Variants in SQLE observed in about 807,000 individuals in gnomAD.
SQLE encodes the protein squalene monooxygenase.
In SQLE, 29 loss-of-function variants were observed where a neutral mutation model predicts 60.7. The ratio of observed to expected loss-of-function variants is 0.48; its 90% CI spans 0.36 to 0.65. SQLE has a LOEUF of 0.65. SQLE is among the 30% of genes least tolerant of loss of function. The pLI is 0.00. For missense variants in SQLE, 605 were observed against 684.1 expected, an observed-to-expected ratio of 0.88 and a Z score of 1.29; for synonymous variants, 237 against 246.8, an observed-to-expected ratio of 0.96 and a Z score of 0.37.
rs1814812058 is a variant in SQLE at position 124,999,760 on chromosome 8, A to G, written c.291+66A>G. The G allele has an allele frequency of 4.7e-6, 7 of 1,490,964 alleles. No individual in the cohort carries two copies. The South Asian group carries it at 7.0e-5, about 15-fold the overall frequency. The allele number at this position is 1,490,964 out of a possible 1,614,324, so 92.4% of individuals were successfully genotyped here. ...GGAGTAGGATTGGGTTCACTCAAATATAAGTTTTATTTGAATTGCAAAAGG... is the reference window on the plus strand; with the variant it reads ...GGAGTAGGATTGGGTTCACTCAAATGTAAGTTTTATTTGAATTGCAAAAGG... On this transcript the variant is annotated intron_variant, in intron 1 of 10. Coordinates refer to ENST00000265896, the MANE Select transcript of SQLE (RefSeq NM_003129.4).
chr8:125,011,414 A>G lies in SQLE; in HGVS notation c.1109-123A>G, dbSNP rs1054911873. On this transcript the variant is annotated intron_variant, in intron 6 of 10. Coordinates refer to ENST00000265896, the MANE Select transcript of SQLE (RefSeq NM_003129.4). ...ATTAGTTCTTGATTTATCACAAGGG[A>G]TATATGTAACAACCATAACAGATGT... 5.5e-5 allele frequency: 37 copies of G among 669,004 alleles called. No homozygotes were observed. The Admixed American group carries it at 8.6e-4, about 16-fold the overall frequency. The allele number at this position is 669,004 out of a possible 1,614,324, so 41.4% of individuals were successfully genotyped here. A position where few individuals can be genotyped will look rare whatever the true frequency, so the allele number is the denominator to read the frequency against.
At chr8:125,017,695 C>G (rs1312588911) in intron 7 of SQLE, among the ~76,000 whole-genome samples, 1 of 152,132 alleles carries the variant, frequency 6.6e-6, no homozygotes, top group Non-Finnish European at 1.5e-5. Flanking sequence ...CGCCAGAGGA[C>G]TTGCTTTGTA....
Position 124,999,112 on chromosome 8 carries a change from T to C in SQLE, c.-292T>C. 2.9e-6 allele frequency: 1 copy of C among 348,114 alleles called. No individual in the cohort carries two copies. The highest frequency in any genetic ancestry group is 5.1e-6 in the Non-Finnish European group (1 of 195,362). 21.6% of individuals were successfully genotyped at this position (348,114 alleles called of 1,614,324 possible). A position where few individuals can be genotyped will look rare whatever the true frequency, so the allele number is the denominator to read the frequency against. Reference sequence around the variant, plus strand: ...ACCATCAAAAAAGAAAAAAAGGGAATATCTGGATTTCCTGGGCGAGGAGGA... The same window carrying C: ...ACCATCAAAAAAGAAAAAAAGGGAACATCTGGATTTCCTGGGCGAGGAGGA... On this transcript the variant is annotated 5_prime_UTR_variant, in exon 1 of 11. Coordinates refer to ENST00000265896, the MANE Select transcript of SQLE (RefSeq NM_003129.4).
Position 125,016,934 on chromosome 8 carries a change from G to T in SQLE, c.1205-1125G>T, listed in dbSNP as rs1467342704. 6.6e-6 allele frequency among the ~76,000 whole-genome samples: 1 copy of T among 152,176 alleles called. No homozygotes were observed. Among genetic ancestry groups the T allele is most frequent in the Non-Finnish European group, 1.5e-5 (1 of 68,032 alleles). On this transcript the variant is annotated intron_variant, in intron 7 of 10. Coordinates refer to ENST00000265896, the MANE Select transcript of SQLE (RefSeq NM_003129.4). This position sits in a 1 kb window ranked among gnomAD's most constrained non-coding sequence, Gnocchi z 4.1. ...AGAATTCCCTGGATTATCAGGAAAAGAACTCTTGGTTCTCTTCCCTTACTT... is the reference window on the plus strand; with the variant it reads ...AGAATTCCCTGGATTATCAGGAAAATAACTCTTGGTTCTCTTCCCTTACTT...
intron 3 of SQLE, among the ~76,000 whole-genome samples, chr8:125,006,862 G>A (rs985013576): frequency 6.8e-4 from 103 of 151,626 alleles, no homozygotes; most frequent in South Asian, 1.2e-3. Flanking sequence ...ATGCCACCAC[G>A]CCTGGCAAAT....
intron 4 of SQLE, among the ~76,000 whole-genome samples, chr8:125,008,281 G>T (rs937319018): frequency 6.6e-6 from 1 of 152,070 alleles, no homozygotes; most frequent in Non-Finnish European, 1.5e-5. Flanking sequence ...TAGAGACGGG[G>T]TTTCTCCATG....
Position 124,999,485 on chromosome 8 carries a change from G to A in SQLE, c.82G>A (p.Val28Ile), listed in dbSNP as rs774013521. The change falls in exon 1 of 11, where the codon GTC becomes ATC. Residue 28 changes from valine (V) to isoleucine (I), a missense_variant. Val to Ile is a conservative substitution (Grantham distance 29). Coordinates refer to ENST00000265896, the MANE Select transcript of SQLE (RefSeq NM_003129.4). ...GDFITLANRE[V>I]LLCVLVFLSL... ...CTTCATCACTTTGGCCAACAGGGAG[G>A]TCCTGTTGTGCGTGCTGGTGTTCCT... The A allele has an allele frequency of 6.2e-7, 1 of 1,600,870 alleles. No individual in the cohort carries two copies. The highest frequency in any genetic ancestry group is 1.1e-5 in the South Asian group (1 of 89,510).
chr8:125,020,736 C>G (rs758145874), intron 9 of SQLE, 48 bp from the exon 10 acceptor site: 7 of 1,178,900 alleles, frequency 5.9e-6, no homozygotes, highest in Admixed American at 5.5e-5. Flanking sequence ...CATTAGCATC[C>G]TACATAAGTG....
chr8:125,021,052 AG>A lies in SQLE; in HGVS notation c.1532+184del, dbSNP rs375004563. 5,034 of 523,006 alleles carry A rather than the reference AG, an allele frequency of 9.6e-3. 46 individuals carry two copies. Among genetic ancestry groups the A allele is most frequent in the Non-Finnish European group, 0.014 (4,085 of 287,326 alleles). 32.4% of individuals were successfully genotyped at this position (523,006 alleles called of 1,614,324 possible). On this transcript the variant is annotated intron_variant, in intron 10 of 10. Transcript: ENST00000265896. Reference sequence around the variant, plus strand: ...CAATATTTAGTACTGTTTTCTTTCTAGGGAACAGCAGTTAAAGGTGGTGGTA... The same window carrying A: ...CAATATTTAGTACTGTTTTCTTTCTAGGAACAGCAGTTAAAGGTGGTGGTA...
At chr8:125,004,968 G>A (rs534997199) in intron 2 of SQLE, among the ~76,000 whole-genome samples, 28 of 152,178 alleles carry the variant, frequency 1.8e-4, no homozygotes, top group Non-Finnish European at 1.5e-5. Flanking sequence ...AAAGTTCTTT[G>A]CAGTTTGTCC....
chr8:125,020,611 A>G (rs541079000), intron 9 of SQLE, among the ~76,000 whole-genome samples, 173 bp from the exon 10 acceptor site: 1 of 152,358 alleles, frequency 6.6e-6, no homozygotes, highest in African/African-American at 2.4e-5. Flanking sequence ...ATTACTCTCC[A>G]TAATGCTGAT....
Position 125,007,474 on chromosome 8 carries a change from CTG to C in SQLE, c.810_811del (p.Gly271ArgfsTer28). The C allele has an allele frequency of 6.5e-7, 1 of 1,544,108 alleles. No homozygotes were observed. The highest frequency in any genetic ancestry group is 8.8e-7 in the Non-Finnish European group (1 of 1,142,752). ...GGAGTTCAGTACAAGGATAAAGAGA[CTG>C]GAGATATCAAGGTGAGAAATACCAA... On this transcript the variant is annotated frameshift_variant, in exon 4 of 11. Coordinates refer to ENST00000265896, the MANE Select transcript of SQLE (RefSeq NM_003129.4). LOFTEE classifies it high-confidence loss of function.
Position 124,999,449 on chromosome 8 carries a change from A to C in SQLE, c.46A>C (p.Lys16Gln), listed in dbSNP as rs1814805009. 3 of 1,533,040 alleles carry C rather than the reference A, an allele frequency of 2.0e-6. No homozygotes were observed. The East Asian group carries it at 7.0e-5, about 36-fold the overall frequency. 95.0% of individuals were successfully genotyped at this position (1,533,040 alleles called of 1,614,324 possible). The change falls in exon 1 of 11, where the codon AAG becomes CAG. Residue 16 changes from lysine (K) to glutamine (Q), a missense_variant. Coordinates refer to ENST00000265896, the MANE Select transcript of SQLE (RefSeq NM_003129.4). ...TGCCACTTTCACCTATTTTTATAAG[A>C]AGTTCGGGGACTTCATCACTTTGGC... ...GIATFTYFYK[K>Q]FGDFITLANR...
Position 125,015,366 on chromosome 8 carries a change from GTGGAGT to G in SQLE, c.1205-2691_1205-2686del, listed in dbSNP as rs754555056. Reference sequence around the variant, plus strand: ...CCATTCAGCCACTTACGCCTTTCGAGTGGAGTTTAGTCCATCTACATTGAATGTTAT... The same window carrying G: ...CCATTCAGCCACTTACGCCTTTCGAGTTAGTCCATCTACATTGAATGTTAT... On this transcript the variant is annotated intron_variant, in intron 7 of 10. Coordinates refer to ENST00000265896, the MANE Select transcript of SQLE (RefSeq NM_003129.4). Among the ~76,000 whole-genome samples, 97 of 152,226 alleles carry G rather than the reference GTGGAGT, an allele frequency of 6.4e-4. 1 individual carries two copies. Among genetic ancestry groups the G allele is most frequent in the Middle Eastern group, 3.4e-3 (1 of 294 alleles).
At chr8:125,008,255 A>G (rs948323379) in intron 4 of SQLE, among the ~76,000 whole-genome samples, 4 of 151,948 alleles carry the variant, frequency 2.6e-5, no homozygotes, top group Non-Finnish European at 5.9e-5. Context: ...GCATCCGGCT[A>G]ATTTTGTATT....
intron 10 of SQLE, among the ~76,000 whole-genome samples, chr8:125,021,443 C>T (rs2129915684): frequency 6.9e-6 from 1 of 144,982 alleles, no homozygotes; most frequent in South Asian, 2.1e-4. Context: ...AGTAAACAAA[C>T]AGCTAAAAAT....
rs1815166382 is a variant in SQLE, at chr8:125,019,479, G to GTAC, written c.1444+752_1444+753insTAC. ...GTGTGCCTGTAGTCCCAGCTATTTG[G>GTAC]GACTATATAGCTCACTACAGTGAGC... is the stretch of plus-strand genomic sequence containing the variant. On this transcript the variant is annotated intron_variant, in intron 9 of 10. Coordinates refer to ENST00000265896, the MANE Select transcript of SQLE (RefSeq NM_003129.4). Among the ~76,000 whole-genome samples the GTAC allele has an allele frequency of 7.1e-5, 8 of 112,388 alleles. No individual in the cohort carries two copies. In the South Asian group the frequency reaches 2.3e-3, roughly 33 times the overall value. The allele number at this position is 112,388 out of a possible 152,430, so 73.7% of individuals were successfully genotyped here.
chr8:125,018,024 C>T, intron 7 of SQLE, 35 bp from the exon 8 acceptor site: 3 of 1,605,772 alleles, frequency 1.9e-6, no homozygotes, highest in Non-Finnish European at 2.5e-6. Context: ...TCAAGGGATG[C>T]TCTAAAATAA....
rs1247612087 is a variant in SQLE at position 125,001,453 on chromosome 8, T to TGG, written c.292-1722_292-1721insGG. 2.0e-4 allele frequency among the ~76,000 whole-genome samples: 26 copies of TGG among 127,906 alleles called. No homozygotes were observed. In the East Asian group the frequency reaches 5.7e-3, roughly 28 times the overall value. 83.9% of individuals were successfully genotyped at this position (127,906 alleles called of 152,430 possible). ...CCTCCAGAGCTCTCCTTTCAGGGTG[T>TGG]GTGTGTGTGTGTGTGTGTGTGTGTG... On this transcript the variant is annotated intron_variant, in intron 1 of 10. Transcript: ENST00000265896.
Sources: gnomAD v4.1 joint callset for allele counts (sites outside exome capture counted in the v4.1 genomes callset) on GRCh38, gnomAD v4.1.1 for gene constraint, Gnocchi (gnomAD v3.1) non-coding constraint, MANE v1.5 for transcripts, NCBI Gene and HGNC (gene_info 2026-07-23, HGNC 2026-07-21) for gene names.